ETNK1: variants seen among roughly 807,000 people sequenced by gnomAD.
The protein encoded by ETNK1 is ethanolamine kinase 1, also known as putative protein product of Nbla10396.
Under a neutral mutation model 45.1 loss-of-function variants are expected in ETNK1, and 8 were observed. That is an observed-to-expected ratio of 0.18 (90% CI 0.10 to 0.32). ETNK1 has a LOEUF of 0.32. ETNK1 is among the 10% of genes least tolerant of loss of function. ETNK1 has a pLI of 1.00. For missense variants in ETNK1, 302 were observed against 430.6 expected, an observed-to-expected ratio of 0.70 and a Z score of 2.64; for synonymous variants, 152 against 151.9, an observed-to-expected ratio of 1.00 and a Z score of -0.01.
At chr12:22,662,628 C>A (rs1001541981) in intron 4 of ETNK1, among the ~76,000 whole-genome samples, 6 of 151,946 alleles carry the variant, frequency 3.9e-5, no homozygotes, top group African/African-American at 1.2e-4. Flanking sequence ...GAATTTGTGG[C>A]CTCAAGTGAT....
chr12:22,671,856 A>G (rs549674441), intron 5 of ETNK1, among the ~76,000 whole-genome samples: 50 of 151,150 alleles, frequency 3.3e-4, no homozygotes, highest in African/African-American at 1.2e-3. Flanking sequence ...AAAAAAAAAA[A>G]AAAAAAAGTA....
Position 22,625,188 on chromosome 12 carries a change from A to C in ETNK1, c.-243A>C. The C allele has an allele frequency of 6.2e-7, 1 of 1,607,456 alleles. No homozygotes were observed. The highest frequency in any genetic ancestry group is 8.5e-7 in the Non-Finnish European group (1 of 1,177,028). ...CATGCTCTGCGGCCGCCCGCGGTCC[A>C]GCTCCGACAACAGGAATTTTCTCCG... On this transcript the variant is annotated 5_prime_UTR_variant, in exon 1 of 8. Transcript: ENST00000266517.
intron 6 of ETNK1, among the ~76,000 whole-genome samples, chr12:22,676,186 T>G (rs1954160167): frequency 6.6e-6 from 1 of 151,982 alleles, no homozygotes; most frequent in Non-Finnish European, 1.5e-5. Context: ...CAGGCCCCGG[T>G]GTGTGATGTT....
intron 6 of ETNK1, among the ~76,000 whole-genome samples, chr12:22,681,869 G>A (rs915207320): frequency 2.0e-5 from 3 of 152,016 alleles, no homozygotes; most frequent in Admixed American, 2.0e-4. Flanking sequence ...ACACATGCAT[G>A]TTGGAAAAGA....
At chr12:22,671,497 C>T in intron 5 of ETNK1, 142 bp downstream of exon 5, 1 of 658,706 alleles carries the variant, frequency 1.5e-6, no homozygotes. Context: ...TTGTTTATCA[C>T]TGGAAGAAAG....
At chr12:22,683,406 GA>G (rs1954231852) in intron 6 of ETNK1, among the ~76,000 whole-genome samples, 1 of 151,716 alleles carries the variant, frequency 6.6e-6, no homozygotes, top group African/African-American at 2.4e-5. Context: ...TTTTTTTGAG[GA>G]AGCCAAAAAC....
chr12:22,686,038 T>TA lies in ETNK1; in HGVS notation c.*1084_*1085insA, dbSNP rs1440714014. The TA allele has an allele frequency of 6.6e-6, 1 of 152,324 alleles. No homozygotes were observed. Among genetic ancestry groups the TA allele is most frequent in the African/African-American group, 2.4e-5 (1 of 41,416 alleles). 9.4% of individuals were successfully genotyped at this position (152,324 alleles called of 1,614,324 possible). On this transcript the variant is annotated 3_prime_UTR_variant, in exon 8 of 8. Transcript: ENST00000266517. ...TTACTTGATACATGTAAGTTCAGCG[T>TA]TATATGTTGAGGCAGTTATATAATT...
At position 22,656,372 on chromosome 12, in the gene ETNK1, G is replaced by A. The variant is rs200072187; in HGVS notation, c.417-2642G>A. On this transcript the variant is annotated intron_variant, in intron 2 of 7. Transcript: ENST00000266517. ...GTATTATAGTTGTCTGACTTTATCCGTGTGATGTGCAGGGCCTCCTTGTCT... is the reference window on the plus strand; with the variant it reads ...GTATTATAGTTGTCTGACTTTATCCATGTGATGTGCAGGGCCTCCTTGTCT... The A allele has an allele frequency of 2.1e-5, 21 of 981,204 alleles. No homozygotes were observed. In the East Asian group the frequency reaches 1.1e-3, roughly 53 times the overall value. The allele number at this position is 981,204 out of a possible 1,614,324, so 60.8% of individuals were successfully genotyped here.
chr12:22,680,899 C>T (rs963005141), intron 6 of ETNK1, among the ~76,000 whole-genome samples: 2 of 131,566 alleles, frequency 1.5e-5, no homozygotes, highest in Non-Finnish European at 3.3e-5. Flanking sequence ...TTCCCCCGCC[C>T]CCCCCTCCAT....
intron 4 of ETNK1, among the ~76,000 whole-genome samples, chr12:22,669,121 AT>A (rs1954081388): frequency 6.6e-6 from 1 of 152,206 alleles, no homozygotes; most frequent in Non-Finnish European, 1.5e-5. Context: ...AAAAAATTAT[AT>A]ATTAAAACTG....
At chr12:22,630,539 C>CT (rs1172603291) in intron 1 of ETNK1, among the ~76,000 whole-genome samples, 1 of 152,186 alleles carries the variant, frequency 6.6e-6, no homozygotes, top group Non-Finnish European at 1.5e-5. Context: ...TGAAGCTAGA[C>CT]TTTGAGTAGC....
intron 1 of ETNK1, among the ~76,000 whole-genome samples, chr12:22,630,501 A>T (rs1953562161): frequency 6.6e-6 from 1 of 152,208 alleles, no homozygotes; most frequent in Admixed American, 6.5e-5. Context: ...AACATTTCTG[A>T]GCAAGGAAAA....
chr12:22,690,150 T>C lies in ETNK1; in HGVS notation c.*5196T>C, dbSNP rs188379423. 6.6e-6 allele frequency: 1 copy of C among 152,630 alleles called. No homozygotes were observed. Among genetic ancestry groups the C allele is most frequent in the African/African-American group, 2.4e-5 (1 of 41,564 alleles). 9.5% of individuals were successfully genotyped at this position (152,630 alleles called of 1,614,324 possible). ...ATTCGTGTTTATCAAATGTGAACCA[T>C]AGTAGTATAATGCTGCTTTGTATAT... On this transcript the variant is annotated 3_prime_UTR_variant, in exon 8 of 8. Transcript: ENST00000266517.
intron 1 of ETNK1, 116 bp downstream of exon 1, chr12:22,625,702 T>A (rs1953484586): frequency 7.1e-7 from 1 of 1,415,836 alleles, no homozygotes; most frequent in Non-Finnish European, 9.6e-7. Context: ...AACATCTCCT[T>A]AAGTCTATTG....
chr12:22,643,701 C>T (rs2137534369), intron 1 of ETNK1, 62 bp from the exon 2 acceptor site: 4 of 1,381,364 alleles, frequency 2.9e-6, no homozygotes, highest in East Asian at 2.4e-5. Flanking sequence ...TTCAATTTAT[C>T]TCCTGTTCTC....
At chr12:22,675,162 G>A (rs893815590) in intron 6 of ETNK1, among the ~76,000 whole-genome samples, 1 of 152,046 alleles carries the variant, frequency 6.6e-6, no homozygotes, top group Admixed American at 6.6e-5. Context: ...TCAACCTCCC[G>A]GGCTTAAGCA....
At chr12:22,652,634 T>G (rs1392220933) in intron 2 of ETNK1, among the ~76,000 whole-genome samples, 1 of 152,228 alleles carries the variant, frequency 6.6e-6, no homozygotes, top group Non-Finnish European at 1.5e-5. Flanking sequence ...ACCATTTGTT[T>G]ACTTTTTCTA....
chr12:22,662,136 C>T (rs1184819179), intron 4 of ETNK1, among the ~76,000 whole-genome samples: 1 of 142,022 alleles, frequency 7.0e-6, no homozygotes, highest in Non-Finnish European at 1.5e-5. Context: ...GGCATAATCT[C>T]AGCTCACTGT....
At chr12:22,671,110 C>T in intron 4 of ETNK1, 162 bp from the exon 5 acceptor site, 1 of 594,512 alleles carries the variant, frequency 1.7e-6, no homozygotes, top group East Asian at 3.1e-5. Flanking sequence ...AGCTCATTGC[C>T]ATAAAATTCA....
Sources: allele counts gnomAD v4.1 joint callset (sites outside exome capture counted in the v4.1 genomes callset), GRCh38; gene constraint gnomAD v4.1.1; transcripts MANE v1.5; gene names NCBI Gene and HGNC (gene_info 2026-07-23, HGNC 2026-07-21).